ZNF683: variants seen among roughly 807,000 people sequenced by gnomAD.
ZNF683 encodes the protein zinc finger protein 683, also known as tissue-resident T-cell transcription regulator protein ZNF683.
A neutral mutation model predicts 31.4 loss-of-function variants in ZNF683; 20 were observed. The ratio of observed to expected loss-of-function variants is 0.64; its 90% CI spans 0.45 to 0.93. ZNF683 has a LOEUF of 0.93. Among genes scored for constraint, ZNF683 ranks in the 40% least tolerant of loss-of-function variants. The probability of loss-of-function intolerance (pLI) is 0.00; values close to 1 mark genes in which losing one functional copy is unlikely to be tolerated. For synonymous variants in ZNF683, 264 were observed against 267.6 expected, an observed-to-expected ratio of 0.99 and a Z score of 0.13; for missense variants, 621 against 637.2, an observed-to-expected ratio of 0.97 and a Z score of 0.27.
chr1:26,365,091 G>C lies in ZNF683; in HGVS notation c.455C>G (p.Ser152Cys). ...CGGTGGTGGGGAAGAGCTGTTATGA[G>C]AGGAGAAGGCTGGGCAGGGGGCCCC... is the stretch of plus-strand genomic sequence containing the variant. ...GEGAPCPAFS[S>C]HNSSSPPPLQ... The change falls in exon 4 of 6, where the codon TCT (serine) becomes TGT (cysteine). Residue 152 changes from serine to cysteine, a missense_variant. Ser to Cys is a moderately radical substitution (Grantham distance 112). Transcript: ENST00000349618. 1 of 1,607,582 alleles carries C rather than the reference G, an allele frequency of 6.2e-7. No individual in the cohort carries two copies. Among genetic ancestry groups the C allele is most frequent in the East Asian group, 2.2e-5 (1 of 44,694 alleles).
intron 3 of ZNF683, among the ~76,000 whole-genome samples, 180 bp downstream of exon 3, chr1:26,367,413 G>A (rs898293265): frequency 3.3e-5 from 5 of 152,194 alleles, no homozygotes; most frequent in South Asian, 2.1e-4. Flanking sequence ...ATCACCACTC[G>A]AAAGCCCCCT....
intron 1 of ZNF683, among the ~76,000 whole-genome samples, chr1:26,371,904 C>G (rs967241663): frequency 1.3e-5 from 2 of 152,078 alleles, no homozygotes; most frequent in Non-Finnish European, 2.9e-5. Flanking sequence ...TGCACTCCAG[C>G]CTGGGTGACA....
chr1:26,362,394 G>A (rs910861103), intron 5 of ZNF683, among the ~76,000 whole-genome samples: 11 of 152,160 alleles, frequency 7.2e-5, no homozygotes, highest in Admixed American at 3.3e-4. Flanking sequence ...TTTACAGGGG[G>A]CTGCCACATG....
intron 4 of ZNF683, among the ~76,000 whole-genome samples, chr1:26,363,544 G>A (rs993711961): frequency 1.3e-5 from 2 of 152,048 alleles, no homozygotes; most frequent in African/African-American, 2.4e-5. Flanking sequence ...GAGGAGGGAG[G>A]ATCAATGGAG....
intron 4 of ZNF683, 90 bp downstream of exon 4, chr1:26,364,442 T>C: frequency 6.8e-7 from 1 of 1,478,662 alleles, no homozygotes; most frequent in Non-Finnish European, 9.4e-7. Flanking sequence ...GCCTTCTAGC[T>C]TTGAGGTCCT....
rs572749912 is a variant in ZNF683, at chr1:26,361,747, C to T, written c.1419G>A (p.Glu473=). 6.2e-7 allele frequency: 1 copy of T among 1,614,068 alleles called. No individual in the cohort carries two copies. Among genetic ancestry groups the T allele is most frequent in the East Asian group, 2.2e-5 (1 of 44,884 alleles). ...CCTGGGATGTCGAGGACACTTTGACCTCATCTATGTCATAGCCCATGTGTT... is the reference window on the plus strand; with the variant it reads ...CCTGGGATGTCGAGGACACTTTGACTTCATCTATGTCATAGCCCATGTGTT... ...SEKHMGYDID[E]VKVSSTSQGK... is the part of the protein sequence containing the mutation. The change falls in exon 6 of 6, where the codon GAG becomes GAA. Residue 473 remains glutamate (E), a synonymous_variant. Coordinates refer to ENST00000349618, the MANE Select transcript of ZNF683 (RefSeq NM_001114759.3).
rs199750556 is a variant in ZNF683, at chr1:26,368,548, T to C, written c.24A>G (p.Gln8=). 4.4e-6 allele frequency: 7 copies of C among 1,606,572 alleles called. No individual in the cohort carries two copies. The highest frequency in any genetic ancestry group is 4.0e-5 in the African/African-American group (3 of 74,816). Residue 8 remains glutamine (Q), a synonymous_variant, in exon 2 of 6, where the codon CAA becomes CAG. Coordinates refer to ENST00000349618, the MANE Select transcript of ZNF683 (RefSeq NM_001114759.3). The part of the protein sequence containing the change: MKEESAA[Q]LGCCHRPMAL... ...CCATGGGCCTATGACAACAACCTAA[T>C]TGTGCAGCTGATTCTTCCTTCATAT...
rs779029086 is a variant in ZNF683, at chr1:26,363,006, T to C, written c.1143+20A>G. On this transcript the variant is annotated intron_variant, in intron 5 of 5. Coordinates refer to ENST00000349618, the MANE Select transcript of ZNF683 (RefSeq NM_001114759.3). The stretch of plus-strand genomic sequence containing the variant: ...CTCTCCAGCCTATAGGAGTACATAG[T>C]AGGGGGAGAAGGATCTCACCGAGCA... The C allele has an allele frequency of 2.5e-6, 4 of 1,600,396 alleles. No homozygotes were observed. The highest frequency in any genetic ancestry group is 2.6e-6 in the Non-Finnish European group (3 of 1,172,286).
At chr1:26,370,463 A>G (rs2124203348) in intron 1 of ZNF683, among the ~76,000 whole-genome samples, 1 of 152,302 alleles carries the variant, frequency 6.6e-6, no homozygotes, top group African/African-American at 2.4e-5. Context: ...ACTTCAGCCC[A>G]GCAAATGCCC....
chr1:26,362,250 C>T, intron 5 of ZNF683: 4 of 1,420,750 alleles, frequency 2.8e-6, no homozygotes, highest in Non-Finnish European at 3.9e-6. Context: ...GTAACTTCTC[C>T]TCTCTGAGCC....
rs1479010149 is a variant in ZNF683 at position 26,361,825 on chromosome 1, G to T, written c.1341C>A (p.Cys447Ter). The stretch of plus-strand genomic sequence containing the variant: ...GTGCCCCCTGGTGCCATTGGGCAAG[G>T]CAGGCCAGAGAGGCCAGGGGCAGCT... ...HTQLPLASLA[C>*]LAQWHQGALD... The change falls in exon 6 of 6, where the codon TGC becomes TGA. Residue 447 changes from cysteine (C) to a stop codon, truncating the protein, a stop_gained. Coordinates refer to ENST00000349618, the MANE Select transcript of ZNF683 (RefSeq NM_001114759.3). LOFTEE classifies it low-confidence loss of function (END_TRUNC). 1.2e-6 allele frequency: 2 copies of T among 1,613,946 alleles called. No individual in the cohort carries two copies. The highest frequency in any genetic ancestry group is 1.7e-6 in the Non-Finnish European group (2 of 1,179,914).
At position 26,361,680 on chromosome 1, in the gene ZNF683, G is replaced by A. The variant is rs1165915174; in HGVS notation, c.1486C>T (p.Leu496=). Residue 496 remains leucine, a synonymous_variant, in exon 6 of 6, where the codon CTG becomes TTG. Coordinates refer to ENST00000349618, the MANE Select transcript of ZNF683 (RefSeq NM_001114759.3). ...TTGTTCTGGTCCTGCCCCATCACCAGGGGAGTCCCGGCACTGCTCAGGCTC... is the reference window on the plus strand; with the variant it reads ...TTGTTCTGGTCCTGCCCCATCACCAAGGGAGTCCCGGCACTGCTCAGGCTC... ...AVSLSSAGTP[L]VMGQDQNN The A allele has an allele frequency of 6.8e-6, 11 of 1,613,366 alleles. No homozygotes were observed. In the Admixed American group the frequency reaches 1.5e-4, roughly 22 times the overall value.
At chr1:26,372,191 C>T (rs967568256) in intron 1 of ZNF683, among the ~76,000 whole-genome samples, 8 of 152,194 alleles carry the variant, frequency 5.3e-5, no homozygotes, top group African/African-American at 1.9e-4. Flanking sequence ...GGCTGTGCAC[C>T]ATGGGCTGGG....
At chr1:26,369,006 A>G (rs1401502907) in intron 1 of ZNF683, among the ~76,000 whole-genome samples, 1 of 151,996 alleles carries the variant, frequency 6.6e-6, no homozygotes, top group Non-Finnish European at 1.5e-5. Flanking sequence ...GCACTTTGGG[A>G]GTCCAAGGCG....
intron 4 of ZNF683, among the ~76,000 whole-genome samples, 197 bp downstream of exon 4, chr1:26,364,335 C>T (rs2074460366): frequency 6.6e-6 from 1 of 152,160 alleles, no homozygotes; most frequent in African/African-American, 2.4e-5. Flanking sequence ...CATAGGCAGT[C>T]CTCTAGGGTG....
chr1:26,365,236 A>C lies in ZNF683; in HGVS notation c.320-10T>G, dbSNP rs2074494702. ...CCTGGTGGCTCGTGCTCTAAGCAGG[A>C]AAAGGAAGGCGGTCAGATCCCCACA... On this transcript the variant is annotated splice_polypyrimidine_tract_variant and intron_variant, in intron 3 of 5. Transcript: ENST00000349618. The C allele has an allele frequency of 3.2e-5, 51 of 1,579,170 alleles. No individual in the cohort carries two copies. Among genetic ancestry groups the C allele is most frequent in the Non-Finnish European group, 4.4e-5 (51 of 1,164,012 alleles).
At position 26,361,829 on chromosome 1, in the gene ZNF683, G is replaced by A; in HGVS notation, c.1337C>T (p.Ala446Val). ...VHTQLPLASL[A>V]CLAQWHQGAL... ...CCCCTGGTGCCATTGGGCAAGGCAG[G>A]CCAGAGAGGCCAGGGGCAGCTGGGT... The change falls in exon 6 of 6, where the codon GCC (alanine) becomes GTC (valine). Residue 446 changes from alanine (A) to valine (V), a missense_variant. Ala to Val is a moderately conservative substitution (Grantham distance 64, BLOSUM62 0). Transcript: ENST00000349618. 6.2e-7 allele frequency: 1 copy of A among 1,614,066 alleles called. No individual in the cohort carries two copies. Among genetic ancestry groups the A allele is most frequent in the South Asian group, 1.1e-5 (1 of 91,090 alleles).
intron 3 of ZNF683, among the ~76,000 whole-genome samples, chr1:26,365,601 G>A (rs1025682841): frequency 6.6e-6 from 1 of 152,234 alleles, no homozygotes; most frequent in Non-Finnish European, 1.5e-5. Context: ...AATAAAAAAT[G>A]AAGTTCTCAG....
chr1:26,374,032 C>A (rs943687379), upstream of ZNF683, among the ~76,000 whole-genome samples: 2 of 150,140 alleles, frequency 1.3e-5, no homozygotes, highest in African/African-American at 4.9e-5. Flanking sequence ...CCCCTCATTT[C>A]TTTCTTTCTT....
Sources: gnomAD v4.1 joint callset for allele counts (sites outside exome capture counted in the v4.1 genomes callset) on GRCh38, gnomAD v4.1.1 for gene constraint, MANE v1.5 for transcripts, NCBI Gene and HGNC (gene_info 2026-07-23, HGNC 2026-07-21) for gene names.